NIN: variants seen among roughly 807,000 people sequenced by gnomAD.
NIN encodes the protein glycogen synthase kinase 3 beta-interacting protein.
Under a neutral mutation model 257.6 loss-of-function variants are expected in NIN, and 137 were observed. That is an observed-to-expected ratio of 0.53 (90% CI 0.46 to 0.61). The LOEUF (loss-of-function observed/expected upper bound fraction) is 0.61, where lower values mean the gene tolerates loss of function less well. Ranked by LOEUF, NIN falls within the 20% of genes least tolerant of loss-of-function variation. The pLI is 0.00. For missense variants in NIN, 2,439 were observed against 2,501.2 expected (o/e 0.98, Z 0.53); for synonymous variants, 918 against 919.8 (o/e 1.00, Z 0.04).
intron 5 of NIN, among the ~76,000 whole-genome samples, chr14:50,789,579 A>G (rs1483740238): frequency 6.6e-6 from 1 of 152,192 alleles, no homozygotes; most frequent in Admixed American, 6.5e-5. Flanking sequence ...TCAAGAAAAC[A>G]AAACAAAACA....
At chr14:50,764,341 CAA>C (rs2042390457) in intron 14 of NIN, among the ~76,000 whole-genome samples, 1 of 152,074 alleles carries the variant, frequency 6.6e-6, no homozygotes, top group South Asian at 2.1e-4. Flanking sequence ...TGGCTAGAAT[CAA>C]AAAGACATAC....
intron 30 of NIN, 129 bp downstream of exon 30, chr14:50,725,823 AG>A: frequency 1.3e-6 from 2 of 1,525,232 alleles, no homozygotes; most frequent in Non-Finnish European, 1.8e-6. Context: ...AAGTTCTTAC[AG>A]ACATTTATAA....
intron 2 of NIN, among the ~76,000 whole-genome samples, chr14:50,828,033 G>A (rs1434674248): frequency 6.6e-6 from 1 of 150,550 alleles, no homozygotes. Flanking sequence ...GGCACAATGT[G>A]CATTCAGTAA....
chr14:50,806,593 T>C (rs898546772), intron 4 of NIN, 144 bp downstream of exon 4: 1 of 526,654 alleles, frequency 1.9e-6, no homozygotes, highest in Non-Finnish European at 3.4e-6. Flanking sequence ...TATGATAATA[T>C]TGAAGAGAAG....
chr14:50,724,660 C>A (rs528387071), intron 30 of NIN, among the ~76,000 whole-genome samples: 3 of 152,314 alleles, frequency 2.0e-5, no homozygotes, highest in East Asian at 1.9e-4. Flanking sequence ...GTTCCCCCTT[C>A]CTCTCTAGTC....
intron 2 of NIN, among the ~76,000 whole-genome samples, chr14:50,828,459 A>G: frequency 6.6e-6 from 1 of 152,216 alleles, no homozygotes; most frequent in East Asian, 1.9e-4. Context: ...ATCTTTTTGC[A>G]AGCTTCACTA....
chr14:50,755,494 G>T lies in NIN; in HGVS notation c.4539-627C>A, dbSNP rs372009761. ...TTTTTTTTTTTGAAAAACCAAATTTGCTAGAAGACTATGCAATTATATTTT... is the reference window on the plus strand; with the variant it reads ...TTTTTTTTTTTGAAAAACCAAATTTTCTAGAAGACTATGCAATTATATTTT... On this transcript the variant is annotated intron_variant, in intron 18 of 30. Transcript: ENST00000530997. Among the ~76,000 whole-genome samples the T allele has an allele frequency of 4.7e-5, 7 of 148,092 alleles. No homozygotes were observed. The East Asian group carries it at 8.0e-4, about 17-fold the overall frequency.
intron 9 of NIN, 102 bp downstream of exon 9, chr14:50,772,199 C>A (rs1056943558): frequency 3.7e-6 from 4 of 1,082,564 alleles, no homozygotes; most frequent in Non-Finnish European, 5.3e-6. Context: ...ACAGAAGTAC[C>A]ATTAAGAAGA....
At chr14:50,792,954 G>A (rs747838319) in intron 4 of NIN, 73 bp from the exon 5 acceptor site, 310 of 1,492,274 alleles carry the variant, frequency 2.1e-4, no homozygotes, top group East Asian at 2.7e-4. Context: ...CACAGCCATC[G>A]GACACAGCCT....
At chr14:50,803,269 C>T (rs1480102070) in intron 4 of NIN, among the ~76,000 whole-genome samples, 1 of 152,162 alleles carries the variant, frequency 6.6e-6, no homozygotes, top group African/African-American at 2.4e-5. Flanking sequence ...CAGAGAATTG[C>T]TTGAACCTGG....
chr14:50,769,014 A>G (rs575018992), intron 12 of NIN, among the ~76,000 whole-genome samples: 1 of 152,222 alleles, frequency 6.6e-6, no homozygotes, highest in South Asian at 2.1e-4. Context: ...GTTGATGTTG[A>G]TTGGGGAGAA....
In NIN at chr14:50,790,642, G is replaced by A. The variant is rs186753207; in HGVS notation, c.435+2070C>T. ...GCCTCTATTTGCAGTTCTGCTGATG[G>A]AGGGTGGTGAATGCTACAGCTTCTG... On this transcript the variant is annotated intron_variant, in intron 5 of 30. Coordinates refer to ENST00000530997, the MANE Select transcript of NIN (RefSeq NM_020921.4). 1.4e-3 allele frequency among the ~76,000 whole-genome samples: 210 copies of A among 152,324 alleles called. 1 individual carries two copies. Among genetic ancestry groups the A allele is most frequent in the Middle Eastern group, 6.8e-3 (2 of 294 alleles).
intron 2 of NIN, among the ~76,000 whole-genome samples, chr14:50,822,356 A>G (rs1455018096): frequency 6.6e-6 from 1 of 152,164 alleles, no homozygotes; most frequent in African/African-American, 2.4e-5. Flanking sequence ...ACAGTAGAAG[A>G]CACCCTCCTC....
At chr14:50,819,437 C>G (rs2045092548) in intron 3 of NIN, among the ~76,000 whole-genome samples, 1 of 152,178 alleles carries the variant, frequency 6.6e-6, no homozygotes. Flanking sequence ...CTCACGAGAT[C>G]TGATGGTTTT....
intron 21 of NIN, among the ~76,000 whole-genome samples, chr14:50,751,674 G>C (rs996692140): frequency 5.9e-5 from 9 of 152,108 alleles, no homozygotes; most frequent in Admixed American, 1.3e-4. Context: ...CCACAGGTGT[G>C]TGCCACTACA....
intron 5 of NIN, among the ~76,000 whole-genome samples, chr14:50,780,030 T>G (rs1293166361): frequency 6.6e-6 from 1 of 152,216 alleles, no homozygotes; most frequent in African/African-American, 2.4e-5. Context: ...GTGTACTGCA[T>G]AAAAGTGCCC....
At chr14:50,782,442 T>C (rs927064172) in intron 5 of NIN, among the ~76,000 whole-genome samples, 6 of 152,100 alleles carry the variant, frequency 3.9e-5, no homozygotes, top group Non-Finnish European at 8.8e-5. Context: ...AAAGTATAAT[T>C]AAAAAACCAT....
Position 50,767,970 on chromosome 14 carries a change from C to T in NIN, c.1435-1080G>A, listed in dbSNP as rs191315926. Among the ~76,000 whole-genome samples, 28 of 151,664 alleles carry T rather than the reference C, an allele frequency of 1.8e-4. No individual in the cohort carries two copies. In the East Asian group the frequency reaches 4.6e-3, roughly 25 times the overall value. Reference sequence around the variant, plus strand: ...TGTATATGTTTATATTATAATAACACATCAACTAAAACCCATAAAAGTTTT... The same window carrying T: ...TGTATATGTTTATATTATAATAACATATCAACTAAAACCCATAAAAGTTTT... On this transcript the variant is annotated intron_variant, in intron 12 of 30. Transcript: ENST00000530997.
chr14:50,753,652 A>G (rs976097850), intron 20 of NIN, among the ~76,000 whole-genome samples: 4 of 152,204 alleles, frequency 2.6e-5, no homozygotes, highest in African/African-American at 9.6e-5. Context: ...GAAGATCTGT[A>G]TATAGATATA....
Sources: allele counts gnomAD v4.1 joint callset (sites outside exome capture counted in the v4.1 genomes callset), GRCh38; gene constraint gnomAD v4.1.1; transcripts MANE v1.5; gene names NCBI Gene and HGNC (gene_info 2026-07-23, HGNC 2026-07-21).